ST6GALNAC3: variants seen among roughly 807,000 people sequenced by gnomAD.
ST6GALNAC3 encodes ST6 N-acetylgalactosaminide alpha-2,6-sialyltransferase 3, also known as alpha-N-acetylgalactosaminide alpha-2,6-sialyltransferase 3.
In ST6GALNAC3, 25 loss-of-function variants were observed where a neutral mutation model predicts 32.7. The ratio of observed to expected loss-of-function variants is 0.76; its 90% confidence interval spans 0.56 to 1.07. ST6GALNAC3 has a LOEUF of 1.07. Ranked by LOEUF, ST6GALNAC3 falls within the 50% of genes least tolerant of loss-of-function variation. The pLI is 0.00. For missense variants in ST6GALNAC3, 355 were observed against 382.4 expected (o/e 0.93, Z 0.60); for synonymous variants, 129 against 133.1 (o/e 0.97, Z 0.21).
chr1:76,250,499 G>A lies in ST6GALNAC3; in HGVS notation c.19-63306G>A, dbSNP rs149049776. ...CAAGTCAATTCCTGCTCACTTGGAA[G>A]CGTTAATCCATGGAAAGTAAGCAGA... On this transcript the variant is annotated intron_variant, in intron 1 of 4. Coordinates refer to ENST00000328299, the MANE Select transcript of ST6GALNAC3 (RefSeq NM_152996.4). Among the ~76,000 whole-genome samples, 364 of 152,312 alleles carry A rather than the reference G, an allele frequency of 2.4e-3. 2 individuals carry two copies. The East Asian group carries it at 0.024, about 10-fold the overall frequency.
intron 3 of ST6GALNAC3, among the ~76,000 whole-genome samples, chr1:76,422,339 C>T (rs1655083341): frequency 6.6e-6 from 1 of 151,922 alleles, no homozygotes; most frequent in South Asian, 2.1e-4. Context: ...AAGTTTAAGG[C>T]TGTTTTTTCT....
intron 1 of ST6GALNAC3, among the ~76,000 whole-genome samples, chr1:76,180,781 ATC>A (rs1408172998): frequency 6.6e-6 from 1 of 152,068 alleles, no homozygotes; most frequent in East Asian, 1.9e-4. Context: ...TTCCCATTCC[ATC>A]TCCTGTCTAG....
At chr1:76,340,199 G>A (rs962171586) in intron 2 of ST6GALNAC3, among the ~76,000 whole-genome samples, 1 of 152,258 alleles carries the variant, frequency 6.6e-6, no homozygotes, top group Non-Finnish European at 1.5e-5. Context: ...GCCAAGGGAT[G>A]TGTAGGGTGA....
intron 1 of ST6GALNAC3, among the ~76,000 whole-genome samples, chr1:76,162,800 C>A (rs1287658406): frequency 1.3e-5 from 2 of 152,120 alleles, no homozygotes; most frequent in African/African-American, 2.4e-5. Flanking sequence ...GGGGGCCCAG[C>A]TAGGTCTAGG....
At chr1:76,263,060 T>C (rs1398621507) in intron 1 of ST6GALNAC3, among the ~76,000 whole-genome samples, 2 of 152,204 alleles carry the variant, frequency 1.3e-5, no homozygotes, top group African/African-American at 4.8e-5. Context: ...AGATTTGATC[T>C]TTAATCTTAT....
intron 2 of ST6GALNAC3, among the ~76,000 whole-genome samples, chr1:76,360,175 A>G (rs1010831386): frequency 1.7e-4 from 26 of 152,218 alleles, no homozygotes; most frequent in African/African-American, 5.8e-4. Context: ...CATAGCTCCC[A>G]GGAATAGAAT....
chr1:76,152,176 A>G (rs1169762362), intron 1 of ST6GALNAC3, among the ~76,000 whole-genome samples: 1 of 152,154 alleles, frequency 6.6e-6, no homozygotes, highest in Non-Finnish European at 1.5e-5. Context: ...GGAAGATCAT[A>G]TTTTTGAAGG....
At chr1:76,265,661 A>G (rs1327392887) in intron 1 of ST6GALNAC3, among the ~76,000 whole-genome samples, 2 of 152,192 alleles carry the variant, frequency 1.3e-5, no homozygotes, top group Non-Finnish European at 2.9e-5. Flanking sequence ...CTGCTTATTG[A>G]CTGCGTAACC....
intron 3 of ST6GALNAC3, among the ~76,000 whole-genome samples, chr1:76,576,231 A>C (rs1646804775): frequency 6.6e-6 from 1 of 152,056 alleles, no homozygotes; most frequent in Non-Finnish European, 1.5e-5. Flanking sequence ...AGTTATTGGC[A>C]ATGGGTGTTT....
chr1:76,588,467 C>G (rs1409160519), intron 3 of ST6GALNAC3, among the ~76,000 whole-genome samples: 1 of 152,162 alleles, frequency 6.6e-6, no homozygotes, highest in African/African-American at 2.4e-5. Context: ...AACTTCAAAA[C>G]TAATAGCACA....
intron 3 of ST6GALNAC3, among the ~76,000 whole-genome samples, chr1:76,414,298 T>C (rs1013042016): frequency 2.6e-4 from 39 of 152,218 alleles, no homozygotes; most frequent in Middle Eastern, 3.4e-3. Flanking sequence ...TTATGGTGCA[T>C]TCTTATCTTT....
chr1:76,097,878 C>T (rs1647162593), intron 1 of ST6GALNAC3, among the ~76,000 whole-genome samples: 1 of 151,948 alleles, frequency 6.6e-6, no homozygotes, highest in Admixed American at 6.6e-5. Flanking sequence ...ATTGTTGGGG[C>T]ATAAGATATA....
intron 3 of ST6GALNAC3, among the ~76,000 whole-genome samples, chr1:76,614,408 T>C (rs1648139627): frequency 6.6e-6 from 1 of 152,166 alleles, no homozygotes; most frequent in African/African-American, 2.4e-5. Flanking sequence ...TATAACGACC[T>C]AGGAATTCTT....
chr1:76,391,004 A>C (rs1652497790), intron 2 of ST6GALNAC3, among the ~76,000 whole-genome samples: 1 of 147,372 alleles, frequency 6.8e-6, no homozygotes, highest in South Asian at 2.2e-4. Flanking sequence ...CAGTGGCACG[A>C]TCTTGGCTCA....
chr1:76,544,364 A>G (rs1664167197), intron 3 of ST6GALNAC3, among the ~76,000 whole-genome samples: 1 of 152,162 alleles, frequency 6.6e-6, no homozygotes, highest in Non-Finnish European at 1.5e-5. Flanking sequence ...TGGGGAATGG[A>G]TTGGAAGAAA....
chr1:76,307,665 A>G (rs2100871837), intron 1 of ST6GALNAC3, among the ~76,000 whole-genome samples: 1 of 152,294 alleles, frequency 6.6e-6, no homozygotes, highest in Admixed American at 6.5e-5. Context: ...AAAAAACACA[A>G]CTTTATACCA....
chr1:76,203,961 CA>C (rs1654678694), intron 1 of ST6GALNAC3, among the ~76,000 whole-genome samples: 2 of 152,188 alleles, frequency 1.3e-5, no homozygotes, highest in African/African-American at 2.4e-5. Context: ...ACTGATCTAT[CA>C]AACACTAGCT....
intron 2 of ST6GALNAC3, among the ~76,000 whole-genome samples, chr1:76,381,163 G>C (rs866877232): frequency 2.0e-4 from 26 of 131,970 alleles, no homozygotes; most frequent in Admixed American, 5.8e-4. Flanking sequence ...AATAGTTTGG[G>C]CTGCTAAAAA....
chr1:76,183,260 C>T (rs1443656992), intron 1 of ST6GALNAC3, among the ~76,000 whole-genome samples: 1 of 152,092 alleles, frequency 6.6e-6, no homozygotes, highest in Non-Finnish European at 1.5e-5. Flanking sequence ...TTCTCCAGTT[C>T]ATTTGTTTAT....
Sources: allele counts gnomAD v4.1 joint callset (sites outside exome capture counted in the v4.1 genomes callset), GRCh38; gene constraint gnomAD v4.1.1; transcripts MANE v1.5; gene names NCBI Gene and HGNC (gene_info 2026-07-23, HGNC 2026-07-21).